CDK8: variants seen among roughly 807,000 people sequenced by gnomAD.
CDK8 encodes cyclin-dependent kinase 8.
Under a neutral mutation model 71.5 loss-of-function variants are expected in CDK8, and 29 were observed. The observed-to-expected ratio is 0.41, with a 90% CI of 0.30 to 0.55. CDK8 has a LOEUF of 0.55. Ranked by LOEUF, CDK8 falls within the 20% of genes least tolerant of loss-of-function variation. The pLI is 0.37. For missense variants in CDK8, 288 were observed against 572.6 expected (o/e 0.50, Z 5.07); for synonymous variants, 161 against 192.1 (o/e 0.84, Z 1.34).
rs1876427147 is a variant in CDK8, at chr13:26,404,642, G to A, written c.*561G>A. 4.3e-6 allele frequency: 1 copy of A among 230,342 alleles called. No individual in the cohort carries two copies. The highest frequency in any genetic ancestry group is 5.7e-5 in the Admixed American group (1 of 17,672). 14.3% of individuals were successfully genotyped at this position (230,342 alleles called of 1,614,324 possible). A position where few individuals can be genotyped will look rare whatever the true frequency, so the allele number is the denominator to read the frequency against. On this transcript the variant is annotated 3_prime_UTR_variant, in exon 13 of 13. Transcript: ENST00000381527. ...GTTTTCTGACCAAGAATATTGCTTG[G>A]ATTTTTTTGAAAGTACAAAAAGCCA...
At chr13:26,392,034 A>G (rs1040632191) in intron 6 of CDK8, among the ~76,000 whole-genome samples, 3 of 152,084 alleles carry the variant, frequency 2.0e-5, no homozygotes, top group African/African-American at 7.2e-5. Context: ...TTGGTTATTT[A>G]TATTTGTCAC....
At chr13:26,315,189 A>C (rs138219733) in intron 1 of CDK8, among the ~76,000 whole-genome samples, 2 of 152,356 alleles carry the variant, frequency 1.3e-5, no homozygotes, top group East Asian at 3.9e-4. Context: ...GTTTCTATAC[A>C]CAATTCAAAT....
chr13:26,268,068 G>A (rs1432881401), intron 1 of CDK8, among the ~76,000 whole-genome samples: 1 of 151,998 alleles, frequency 6.6e-6, no homozygotes, highest in African/African-American at 2.4e-5. Context: ...ACTCTTTTGA[G>A]GTCTAATCTT....
intron 6 of CDK8, among the ~76,000 whole-genome samples, chr13:26,387,226 G>C (rs1034023597): frequency 3.9e-5 from 6 of 152,036 alleles, no homozygotes; most frequent in African/African-American, 1.4e-4. Flanking sequence ...TTTGTATTTT[G>C]CAGTATTCCC....
At chr13:26,351,105 T>C (rs1304285236) in intron 3 of CDK8, among the ~76,000 whole-genome samples, 2 of 152,160 alleles carry the variant, frequency 1.3e-5, no homozygotes, top group African/African-American at 2.4e-5. Context: ...ATACAGATTA[T>C]AGTTTAAGAA....
chr13:26,340,798 C>A (rs189318585), intron 2 of CDK8, among the ~76,000 whole-genome samples: 1 of 152,146 alleles, frequency 6.6e-6, no homozygotes, highest in East Asian at 1.9e-4. Flanking sequence ...GACTGTAATG[C>A]GTTTCTTCCC....
At chr13:26,359,687 T>C (rs1431989607) in intron 4 of CDK8, 1 of 411,576 alleles carries the variant, frequency 2.4e-6, no homozygotes, top group African/African-American at 2.1e-5. Context: ...ACAACTTCAC[T>C]AACTGCAGCT....
rs188493733 is a variant in CDK8 at position 26,342,282 on chromosome 13, G to A, written c.204+4640G>A. 3.3e-5 allele frequency among the ~76,000 whole-genome samples: 5 copies of A among 152,238 alleles called. No individual in the cohort carries two copies. In the East Asian group the frequency reaches 9.7e-4, roughly 29 times the overall value. On this transcript the variant is annotated intron_variant, in intron 2 of 12. Transcript: ENST00000381527. ...TAACTTCTACAGTATTAAAAACTAG[G>A]ATCTACATGCTCTGGCCTCCAAATA...
chr13:26,260,222 G>C (rs906408151), intron 1 of CDK8, among the ~76,000 whole-genome samples: 2 of 152,020 alleles, frequency 1.3e-5, no homozygotes, highest in Non-Finnish European at 2.9e-5. Flanking sequence ...ACGTGTAGTA[G>C]TATATATATG....
At chr13:26,366,901 G>T (rs961250666) in intron 4 of CDK8, among the ~76,000 whole-genome samples, 1 of 152,020 alleles carries the variant, frequency 6.6e-6, no homozygotes, top group African/African-American at 2.4e-5. Flanking sequence ...AGACTAATAG[G>T]CCTTAAAGTT....
chr13:26,263,221 C>G (rs542460118), intron 1 of CDK8, among the ~76,000 whole-genome samples: 1 of 152,122 alleles, frequency 6.6e-6, no homozygotes, highest in Non-Finnish European at 1.5e-5. Flanking sequence ...CTGCTAGCTC[C>G]GCTTCCCGGG....
At chr13:26,378,747 G>C (rs1162546588) in intron 4 of CDK8, among the ~76,000 whole-genome samples, 1 of 152,186 alleles carries the variant, frequency 6.6e-6, no homozygotes, top group Non-Finnish European at 1.5e-5. Context: ...TAAAAGATCA[G>C]AGATTATTTA....
chr13:26,400,620 G>C, intron 10 of CDK8, 70 bp downstream of exon 10: 1 of 913,028 alleles, frequency 1.1e-6, no homozygotes, highest in Non-Finnish European at 1.8e-6. Context: ...CTGCTTGTCA[G>C]CTCTTAAGTT....
chr13:26,306,233 T>A (rs941077259), intron 1 of CDK8, among the ~76,000 whole-genome samples: 2 of 152,180 alleles, frequency 1.3e-5, no homozygotes, highest in African/African-American at 4.8e-5. Flanking sequence ...TTTCCTTGCA[T>A]CCTTTCCTGT....
intron 2 of CDK8, 134 bp downstream of exon 2, chr13:26,337,776 ATTAT>A (rs1873055580): frequency 8.7e-6 from 3 of 344,364 alleles, no homozygotes; most frequent in Admixed American, 4.5e-5. Flanking sequence ...GTAGAAAAAT[ATTAT>A]TTATTAAGGA....
intron 1 of CDK8, among the ~76,000 whole-genome samples, chr13:26,277,326 G>T (rs1442210263): frequency 7.2e-5 from 11 of 152,148 alleles, no homozygotes; most frequent in African/African-American, 2.4e-5. Context: ...ATGGCCAGAT[G>T]ACTTATTTCA....
intron 1 of CDK8, among the ~76,000 whole-genome samples, chr13:26,270,907 A>G (rs1872288499): frequency 6.6e-6 from 1 of 152,192 alleles, no homozygotes; most frequent in Non-Finnish European, 1.5e-5. Flanking sequence ...TGTTTTCCAC[A>G]GCTGCTACAC....
chr13:26,377,003 C>G (rs973340006), intron 4 of CDK8, among the ~76,000 whole-genome samples: 1 of 152,172 alleles, frequency 6.6e-6, no homozygotes. Context: ...AAGAAAATGT[C>G]ATCTTTTATT....
intron 5 of CDK8, 95 bp from the exon 6 acceptor site, chr13:26,385,116 T>A: frequency 9.4e-7 from 1 of 1,060,070 alleles, no homozygotes; most frequent in Non-Finnish European, 1.3e-6. Flanking sequence ...TTGAGCACAT[T>A]TTTCATCTTA....
Sources: gnomAD v4.1 joint callset for allele counts (sites outside exome capture counted in the v4.1 genomes callset) on GRCh38, gnomAD v4.1.1 for gene constraint, MANE v1.5 for transcripts, NCBI Gene and HGNC (gene_info 2026-07-23, HGNC 2026-07-21) for gene names.